Variants in RGS7BP observed in about 807,000 individuals in gnomAD.
RGS7BP encodes regulator of G protein signaling 7-binding protein.
A neutral mutation model predicts 31.3 loss-of-function variants in RGS7BP; 9 were observed. The ratio of observed to expected loss-of-function variants is 0.29; its 90% confidence interval spans 0.17 to 0.50. The LOEUF is 0.50. Ranked by LOEUF, RGS7BP falls within the 20% of genes least tolerant of loss-of-function variation. The pLI is 0.98. For synonymous variants in RGS7BP, 115 were observed against 120.1 expected (o/e 0.96, Z 0.28); for missense variants, 274 against 322.0 (o/e 0.85, Z 1.14).
intron 2 of RGS7BP, among the ~76,000 whole-genome samples, chr5:64,554,532 G>A (rs970540373): frequency 2.0e-5 from 3 of 152,154 alleles, no homozygotes; most frequent in African/African-American, 7.2e-5. Flanking sequence ...AGCCCAAGAA[G>A]ATAACTAGGA....
At chr5:64,565,652 C>T (rs1159738709) in intron 2 of RGS7BP, among the ~76,000 whole-genome samples, 1 of 152,048 alleles carries the variant, frequency 6.6e-6, no homozygotes, top group Non-Finnish European at 1.5e-5. Context: ...GCTTTTAAAG[C>T]CACCTTGGAA....
intron 2 of RGS7BP, among the ~76,000 whole-genome samples, chr5:64,512,604 C>T (rs2111877265): frequency 6.6e-6 from 1 of 152,246 alleles, no homozygotes; most frequent in Non-Finnish European, 1.5e-5. Context: ...ATAGTAAATG[C>T]TATTAAGTGC....
intron 2 of RGS7BP, among the ~76,000 whole-genome samples, chr5:64,545,034 G>T (rs1741618748): frequency 6.6e-6 from 1 of 152,056 alleles, no homozygotes; most frequent in Non-Finnish European, 1.5e-5. Context: ...AAGTTAGCCG[G>T]GTGTGGTGGT....
At chr5:64,584,160 T>A (rs1171363623) in intron 3 of RGS7BP, among the ~76,000 whole-genome samples, 2 of 152,198 alleles carry the variant, frequency 1.3e-5, no homozygotes, top group East Asian at 3.8e-4. Context: ...TAAAGGATAG[T>A]AGCACAGTTA....
In RGS7BP at chr5:64,570,286, A is replaced by G. The variant is rs143840970; in HGVS notation, c.333-5488A>G. Among the ~76,000 whole-genome samples, 303 of 152,246 alleles carry G rather than the reference A, an allele frequency of 2.0e-3. 2 individuals carry two copies. Among genetic ancestry groups the G allele is most frequent in the Non-Finnish European group, 3.6e-3 (244 of 68,020 alleles). On this transcript the variant is annotated intron_variant, in intron 2 of 5. Transcript: ENST00000334025. Reference sequence around the variant, plus strand: ...TTGCCTTTTATACTTGCTTTCCCACACATGATTTCATTTGATCCTTGCAGC... The same window carrying G: ...TTGCCTTTTATACTTGCTTTCCCACGCATGATTTCATTTGATCCTTGCAGC...
chr5:64,525,317 A>T (rs181287785), intron 2 of RGS7BP, among the ~76,000 whole-genome samples: 1 of 152,304 alleles, frequency 6.6e-6, no homozygotes, highest in Non-Finnish European at 1.5e-5. Context: ...GAATAACAGA[A>T]AGAACAGCTA....
At chr5:64,542,593 C>T (rs998319969) in intron 2 of RGS7BP, among the ~76,000 whole-genome samples, 1 of 152,156 alleles carries the variant, frequency 6.6e-6, no homozygotes, top group African/African-American at 2.4e-5. Context: ...AAAGCCATAG[C>T]ATGTTTACAA....
At chr5:64,514,329 G>T (rs1313701562) in intron 2 of RGS7BP, among the ~76,000 whole-genome samples, 1 of 152,146 alleles carries the variant, frequency 6.6e-6, no homozygotes, top group Admixed American at 6.5e-5. Context: ...ATATGAATTT[G>T]GTTGGGGGAA....
rs1748694952 is a variant in RGS7BP, at chr5:64,506,808, T to TA, written c.165+19_165+20insA. The TA allele has an allele frequency of 3.3e-5, 48 of 1,444,592 alleles. No homozygotes were observed. Among genetic ancestry groups the TA allele is most frequent in the South Asian group, 4.0e-5 (3 of 74,084 alleles). 89.5% of individuals were successfully genotyped at this position (1,444,592 alleles called of 1,614,324 possible). The stretch of plus-strand genomic sequence containing the variant: ...CAAGATGGTGGGTGAAAACTGCGCC[T>TA]CTTTTTTTTTTTTTTTAATTGAGAG... On this transcript the variant is annotated intron_variant, in intron 1 of 5. Coordinates refer to ENST00000334025, the MANE Select transcript of RGS7BP (RefSeq NM_001029875.3). The surrounding 1 kb of genome is among the most constrained non-coding windows in gnomAD (Gnocchi z 4.6).
At chr5:64,519,425 G>C (rs1293310637) in intron 2 of RGS7BP, among the ~76,000 whole-genome samples, 1 of 152,166 alleles carries the variant, frequency 6.6e-6, no homozygotes, top group East Asian at 1.9e-4. Flanking sequence ...CAGAACAACA[G>C]AATCAACTCT....
At chr5:64,513,428 T>A (rs1171452013) in intron 2 of RGS7BP, among the ~76,000 whole-genome samples, 1 of 152,226 alleles carries the variant, frequency 6.6e-6, no homozygotes, top group African/African-American at 2.4e-5. Context: ...TTTTTTGCCC[T>A]GATTTTTTCG....
intron 3 of RGS7BP, among the ~76,000 whole-genome samples, chr5:64,586,411 T>G (rs1742753839): frequency 6.6e-6 from 1 of 152,326 alleles, no homozygotes; most frequent in Non-Finnish European, 1.5e-5. Flanking sequence ...TTCCTCTGCC[T>G]TGGACATATG....
chr5:64,594,376 C>A (rs893838861), intron 3 of RGS7BP, among the ~76,000 whole-genome samples: 4 of 152,074 alleles, frequency 2.6e-5, no homozygotes, highest in African/African-American at 7.2e-5. Context: ...CAAGCTAAAT[C>A]CCCCCTCCTG....
chr5:64,551,787 A>G (rs1741802001), intron 2 of RGS7BP, among the ~76,000 whole-genome samples: 1 of 152,168 alleles, frequency 6.6e-6, no homozygotes, highest in Admixed American at 6.5e-5. Flanking sequence ...TGTCCATTAT[A>G]TATTAGTATT....
chr5:64,591,524 T>A (rs1265683073), intron 3 of RGS7BP, among the ~76,000 whole-genome samples: 1 of 152,144 alleles, frequency 6.6e-6, no homozygotes, highest in African/African-American at 2.4e-5. Context: ...TTACCACTGG[T>A]GGACGTAAAG....
In RGS7BP at chr5:64,584,604, A is replaced by AG. The variant is rs1742692873; in HGVS notation, c.463+8705dup. On this transcript the variant is annotated intron_variant, in intron 3 of 5. Transcript: ENST00000334025. The stretch of plus-strand genomic sequence containing the variant: ...TTGTTTGCTCTTCTCCTGTGTTCCA[A>AG]GGGGGCTCTGTGCTTCTTACACAGC... Among the ~76,000 whole-genome samples the AG allele has an allele frequency of 4.6e-5, 7 of 152,166 alleles. No homozygotes were observed. The South Asian group carries it at 1.5e-3, about 32-fold the overall frequency.
At chr5:64,549,700 G>A (rs1463256020) in intron 2 of RGS7BP, among the ~76,000 whole-genome samples, 2 of 152,118 alleles carry the variant, frequency 1.3e-5, no homozygotes, top group African/African-American at 4.8e-5. Context: ...AATCCCATAA[G>A]CTCTTTATCA....
At chr5:64,598,515 C>CA (rs1387099755) in intron 5 of RGS7BP, 80 bp downstream of exon 5, 42 of 882,998 alleles carry the variant, frequency 4.8e-5, no homozygotes, top group Non-Finnish European at 8.1e-5. Context: ...GAAATTAAAG[C>CA]ATGTGTCTCA....
At chr5:64,531,312 GA>G (rs780724406) in intron 2 of RGS7BP, among the ~76,000 whole-genome samples, 8 of 152,098 alleles carry the variant, frequency 5.3e-5, no homozygotes, top group Non-Finnish European at 1.0e-4. Context: ...GGCTTCCAAG[GA>G]AATTACAAGC....
Sources: gnomAD v4.1 joint callset for allele counts (sites outside exome capture counted in the v4.1 genomes callset) on GRCh38, gnomAD v4.1.1 for gene constraint, Gnocchi (gnomAD v3.1) non-coding constraint, MANE v1.5 for transcripts, NCBI Gene and HGNC (gene_info 2026-07-23, HGNC 2026-07-21) for gene names.